CTNNA3: variants seen among roughly 807,000 people sequenced by gnomAD.
CTNNA3 encodes the protein catenin alpha 3, also known as catenin alpha-3.
Under a neutral mutation model 95.7 loss-of-function variants are expected in CTNNA3, and 76 were observed. That is an observed-to-expected ratio of 0.79 (90% CI 0.66 to 0.96). The LOEUF (loss-of-function observed/expected upper bound fraction) is 0.96. Among genes scored for constraint, CTNNA3 ranks in the 40% least tolerant of loss-of-function variants. The pLI is 0.00. For synonymous variants in CTNNA3, 431 were observed against 374.4 expected (o/e 1.15, Z -1.74); for missense variants, 1,191 against 1,089.8 (o/e 1.09, Z -1.31).
At chr10:66,535,520 A>G (rs1211207235) in intron 10 of CTNNA3, among the ~76,000 whole-genome samples, 1 of 152,190 alleles carries the variant, frequency 6.6e-6, no homozygotes, top group African/African-American at 2.4e-5. Context: ...TATAGGTGAC[A>G]AACCTACAAT....
chr10:66,471,394 TAA>T (rs1839126820), intron 11 of CTNNA3, among the ~76,000 whole-genome samples: 1 of 151,850 alleles, frequency 6.6e-6, no homozygotes, highest in Non-Finnish European at 1.5e-5. Context: ...ATTTCTAACT[TAA>T]ATTTAAGTTT....
Position 67,521,153 on chromosome 10 carries a change from T to A in CTNNA3, c.579+689A>T, listed in dbSNP as rs187558130. Reference sequence around the variant, plus strand: ...TGGCTGTGAAGAAACTGGAGCAGATTCAGCCTAGGAAGAGTAGTGAGCTAC... The same window carrying A: ...TGGCTGTGAAGAAACTGGAGCAGATACAGCCTAGGAAGAGTAGTGAGCTAC... On this transcript the variant is annotated intron_variant, in intron 5 of 17. Transcript: ENST00000433211. 5.3e-4 allele frequency among the ~76,000 whole-genome samples: 80 copies of A among 152,312 alleles called. No individual in the cohort carries two copies. In the East Asian group the frequency reaches 0.013, roughly 25 times the overall value.
intron 5 of CTNNA3, among the ~76,000 whole-genome samples, chr10:67,389,636 CA>C (rs1844367865): frequency 6.9e-6 from 1 of 143,962 alleles, no homozygotes; most frequent in Admixed American, 7.0e-5. Flanking sequence ...ACACCTATTC[CA>C]AAATTGACCA....
chr10:67,283,319 T>C (rs1274213041), intron 5 of CTNNA3, among the ~76,000 whole-genome samples: 1 of 152,118 alleles, frequency 6.6e-6, no homozygotes, highest in Non-Finnish European at 1.5e-5. Flanking sequence ...ACAGATAACA[T>C]CTGAAACTGG....
chr10:67,318,700 C>T (rs960683780), intron 5 of CTNNA3, among the ~76,000 whole-genome samples: 29 of 152,154 alleles, frequency 1.9e-4, no homozygotes, highest in African/African-American at 6.8e-4. Context: ...TGGAATATTC[C>T]TTTTTACCTC....
intron 15 of CTNNA3, among the ~76,000 whole-genome samples, chr10:66,066,743 T>A (rs1464584612): frequency 1.3e-5 from 2 of 152,118 alleles, no homozygotes; most frequent in Non-Finnish European, 2.9e-5. Context: ...TTCAGAAGAA[T>A]ACAAAGTAGA....
chr10:66,230,190 T>C (rs930066713), intron 13 of CTNNA3, among the ~76,000 whole-genome samples: 1 of 152,220 alleles, frequency 6.6e-6, no homozygotes, highest in Non-Finnish European at 1.5e-5. Context: ...TTACTTAAGA[T>C]CATTATTTTA....
At chr10:66,573,265 T>C (rs1842921013) in intron 10 of CTNNA3, among the ~76,000 whole-genome samples, 1 of 152,140 alleles carries the variant, frequency 6.6e-6, no homozygotes, top group African/African-American at 2.4e-5. Flanking sequence ...CAACTAAAAA[T>C]GCAATCACAG....
At chr10:66,061,052 G>A (rs536914481) in intron 15 of CTNNA3, among the ~76,000 whole-genome samples, 1 of 152,166 alleles carries the variant, frequency 6.6e-6, no homozygotes, top group East Asian at 1.9e-4. Flanking sequence ...TGTATAAAAG[G>A]AATGCTGGGT....
chr10:67,515,537 T>C (rs558499276), intron 5 of CTNNA3, among the ~76,000 whole-genome samples: 2 of 152,354 alleles, frequency 1.3e-5, no homozygotes, highest in South Asian at 4.1e-4. Flanking sequence ...TTTATACCTG[T>C]GCAATAAATT....
chr10:66,404,253 C>T (rs1488127380), intron 11 of CTNNA3, among the ~76,000 whole-genome samples: 1 of 152,084 alleles, frequency 6.6e-6, no homozygotes, highest in Non-Finnish European at 1.5e-5. Flanking sequence ...CCTTGACCAC[C>T]AAATTGTCCA....
intron 9 of CTNNA3, among the ~76,000 whole-genome samples, chr10:66,686,079 C>T (rs749978665): frequency 5.9e-5 from 9 of 152,174 alleles, no homozygotes; most frequent in Non-Finnish European, 1.0e-4. Flanking sequence ...AACTAGCTTA[C>T]GCCAATACAG....
chr10:66,858,456 A>G (rs1843769980), intron 7 of CTNNA3, among the ~76,000 whole-genome samples: 1 of 152,100 alleles, frequency 6.6e-6, no homozygotes, highest in East Asian at 1.9e-4. Context: ...AATATTTTGG[A>G]ACAGTTTTAG....
intron 7 of CTNNA3, among the ~76,000 whole-genome samples, chr10:66,960,299 C>A (rs761494557): frequency 7.9e-5 from 12 of 152,080 alleles, no homozygotes; most frequent in Non-Finnish European, 1.2e-4. Context: ...AATCATGGAG[C>A]ATTTTTGCAT....
intron 7 of CTNNA3, among the ~76,000 whole-genome samples, chr10:66,806,669 C>T (rs147164105): frequency 2.1e-3 from 318 of 151,596 alleles, no homozygotes; most frequent in Non-Finnish European, 3.6e-3. Flanking sequence ...TTTCCTGAGA[C>T]CACATTCTCT....
chr10:66,506,647 A>C (rs1180358379), intron 11 of CTNNA3, among the ~76,000 whole-genome samples: 1 of 152,166 alleles, frequency 6.6e-6, no homozygotes, highest in Non-Finnish European at 1.5e-5. Context: ...CTCAAAGCAA[A>C]TTCTGTGTAT....
chr10:66,260,740 C>A (rs574893553), intron 13 of CTNNA3, among the ~76,000 whole-genome samples: 1 of 152,086 alleles, frequency 6.6e-6, no homozygotes, highest in African/African-American at 2.4e-5. Context: ...TATAAACCAT[C>A]ATTTTTTTCT....
chr10:67,711,043 T>C (rs1195111094), intron 1 of CTNNA3, among the ~76,000 whole-genome samples: 1 of 152,196 alleles, frequency 6.6e-6, no homozygotes, highest in African/African-American at 2.4e-5. Context: ...GGAGTTTCCC[T>C]GCACAAGTTC....
intron 17 of CTNNA3, among the ~76,000 whole-genome samples, chr10:65,922,127 T>C (rs1334764140): frequency 6.6e-6 from 1 of 152,172 alleles, no homozygotes; most frequent in Non-Finnish European, 1.5e-5. Flanking sequence ...TACCTTGCGT[T>C]TTTTCTCATT....
Sources: gnomAD v4.1 joint callset for allele counts (sites outside exome capture counted in the v4.1 genomes callset) on GRCh38, gnomAD v4.1.1 for gene constraint, MANE v1.5 for transcripts, NCBI Gene and HGNC (gene_info 2026-07-23, HGNC 2026-07-21) for gene names.